Variants in MALRD1 observed in about 807,000 individuals in gnomAD.
MALRD1 encodes the protein MAM and LDL-receptor class A domain-containing protein 1.
In MALRD1, 247 loss-of-function variants were observed where a neutral mutation model predicts 242.1. The ratio of observed to expected loss-of-function variants is 1.02; its 90% CI spans 0.92 to 1.13. The LOEUF is 1.13. MALRD1 is among the 50% of genes most tolerant of loss of function. MALRD1 has a pLI of 0.00. For missense variants in MALRD1, 2,989 were observed against 2,533.1 expected, an observed-to-expected ratio of 1.18 and a Z score of -3.86; for synonymous variants, 995 against 866.6, an observed-to-expected ratio of 1.15 and a Z score of -2.60.
chr10:19,477,132 G>T (rs1351838145), intron 29 of MALRD1, among the ~76,000 whole-genome samples: 1 of 152,000 alleles, frequency 6.6e-6, no homozygotes. Context: ...ACCTCTTAGT[G>T]CTCAACAATA....
At chr10:19,486,144 T>C (rs1362926346) in intron 29 of MALRD1, among the ~76,000 whole-genome samples, 2 of 152,138 alleles carry the variant, frequency 1.3e-5, no homozygotes, top group African/African-American at 2.4e-5. Flanking sequence ...ACTCTTACTA[T>C]AATAAAATAT....
chr10:19,358,755 T>G (rs1844759757), intron 26 of MALRD1, among the ~76,000 whole-genome samples: 1 of 152,198 alleles, frequency 6.6e-6, no homozygotes, highest in African/African-American at 2.4e-5. Context: ...TTACTTTTTT[T>G]GCCTCTCTTT....
chr10:19,397,327 A>G (rs1264790792), intron 28 of MALRD1, among the ~76,000 whole-genome samples: 1 of 152,094 alleles, frequency 6.6e-6, no homozygotes, highest in Non-Finnish European at 1.5e-5. Context: ...CTGCATATGA[A>G]TGAGATCATG....
intron 18 of MALRD1, among the ~76,000 whole-genome samples, chr10:19,238,717 A>G (rs754707837): frequency 4.7e-5 from 7 of 149,756 alleles, no homozygotes; most frequent in East Asian, 2.0e-4. Flanking sequence ...CTATGGATAT[A>G]TACCCAGTAG....
At chr10:19,690,259 C>G (rs1842760986) in intron 36 of MALRD1, among the ~76,000 whole-genome samples, 1 of 151,960 alleles carries the variant, frequency 6.6e-6, no homozygotes, top group Admixed American at 6.6e-5. Flanking sequence ...AGTTTATTTC[C>G]TATTATTTTC....
At position 19,389,444 on chromosome 10, in the gene MALRD1, G is replaced by A. The variant is rs367917041; in HGVS notation, c.4688-8G>A. The A allele has an allele frequency of 2.6e-5, 41 of 1,549,502 alleles. No homozygotes were observed. The highest frequency in any genetic ancestry group is 2.4e-4 in the East Asian group (10 of 40,914). On this transcript the variant is annotated splice_polypyrimidine_tract_variant and splice_region_variant and intron_variant, in intron 27 of 39. Transcript: ENST00000454679. ...TCGTTCTTCTCTGAATTCTGTCCTT[G>A]TTCCTAGGGCACTTCATGTATCTGG...
At chr10:19,719,878 C>T (rs1290312164) in intron 38 of MALRD1, among the ~76,000 whole-genome samples, 1 of 151,678 alleles carries the variant, frequency 6.6e-6, no homozygotes, top group Non-Finnish European at 1.5e-5. Context: ...GAATAGAGAC[C>T]ATTAGATAGT....
chr10:19,221,129 G>T (rs1837538034), intron 18 of MALRD1, among the ~76,000 whole-genome samples: 1 of 152,004 alleles, frequency 6.6e-6, no homozygotes, highest in Non-Finnish European at 1.5e-5. Context: ...TTTAAAAAAT[G>T]TTGTTTATAA....
At position 19,165,663 on chromosome 10, in the gene MALRD1, A is replaced by G. The variant is rs1354049391; in HGVS notation, c.1683A>G (p.Gln561=). 9 of 1,231,600 alleles carry G rather than the reference A, an allele frequency of 7.3e-6. No homozygotes were observed. The East Asian group carries it at 1.6e-4, about 22-fold the overall frequency. The allele number at this position is 1,231,600 out of a possible 1,614,324, so 76.3% of individuals were successfully genotyped here. A position where few individuals can be genotyped will look rare whatever the true frequency, so the allele number is the denominator to read the frequency against. The change falls in exon 13 of 40, where the codon CAA becomes CAG. Residue 561 remains glutamine (Q), a synonymous_variant. Coordinates refer to ENST00000454679, the MANE Select transcript of MALRD1 (RefSeq NM_001142308.3). ...TGCAGTTTTGGTATCATTTGTCTCA[A>G]CATTCAAATCTCTCAGTTTTTACAA... The part of the protein sequence containing the change: ...CQVQFWYHLS[Q]HSNLSVFTRT...
intron 21 of MALRD1, among the ~76,000 whole-genome samples, chr10:19,284,713 C>A (rs1260447018): frequency 3.0e-5 from 3 of 99,670 alleles, no homozygotes; most frequent in Non-Finnish European, 5.7e-5. Flanking sequence ...AATAAACATA[C>A]GTGTGCATGT....
chr10:19,145,882 T>C (rs550933659), intron 10 of MALRD1, among the ~76,000 whole-genome samples: 103 of 152,244 alleles, frequency 6.8e-4, no homozygotes, highest in African/African-American at 2.4e-3. Context: ...AGCAGGTTTA[T>C]ACTGGGCAAG....
At chr10:19,611,244 G>A (rs1388338415) in intron 35 of MALRD1, among the ~76,000 whole-genome samples, 2 of 151,882 alleles carry the variant, frequency 1.3e-5, no homozygotes, top group African/African-American at 4.8e-5. Context: ...TTAAATGACT[G>A]AGCCAGGTAT....
At chr10:19,648,827 A>C (rs965481072) in intron 36 of MALRD1, among the ~76,000 whole-genome samples, 7 of 152,084 alleles carry the variant, frequency 4.6e-5, no homozygotes, top group Admixed American at 4.6e-4. Context: ...GTTGTACATA[A>C]TATTTCATCA....
chr10:19,392,529 C>T (rs763327191), intron 28 of MALRD1, among the ~76,000 whole-genome samples: 1 of 152,120 alleles, frequency 6.6e-6, no homozygotes, highest in East Asian at 1.9e-4. Context: ...TTCAGAGAAA[C>T]CTCAACAAAG....
intron 1 of MALRD1, among the ~76,000 whole-genome samples, chr10:19,055,057 C>T (rs1227188032): frequency 1.3e-5 from 2 of 152,142 alleles, no homozygotes; most frequent in Admixed American, 1.3e-4. Flanking sequence ...TCTGCCAGCA[C>T]TTGTTGTCTT....
chr10:19,198,665 A>T (rs1836373321), intron 14 of MALRD1, among the ~76,000 whole-genome samples: 1 of 152,006 alleles, frequency 6.6e-6, no homozygotes, highest in African/African-American at 2.4e-5. Flanking sequence ...ACCAATAATA[A>T]CTCTACATTG....
chr10:19,653,196 A>G (rs1459934122), intron 36 of MALRD1, among the ~76,000 whole-genome samples: 1 of 150,890 alleles, frequency 6.6e-6, no homozygotes, highest in Non-Finnish European at 1.5e-5. Flanking sequence ...TTTATATTTT[A>G]TTATTATTAT....
At chr10:19,562,881 G>A (rs1050692701) in intron 32 of MALRD1, among the ~76,000 whole-genome samples, 3 of 152,160 alleles carry the variant, frequency 2.0e-5, no homozygotes, top group African/African-American at 7.2e-5. Context: ...ATGATCTGAG[G>A]TGGAGCAGTT....
intron 28 of MALRD1, among the ~76,000 whole-genome samples, chr10:19,407,320 A>C: frequency 6.6e-6 from 1 of 152,156 alleles, no homozygotes; most frequent in East Asian, 1.9e-4. Flanking sequence ...AAAATAACAT[A>C]AAATAAAAAT....
Sources: gnomAD v4.1 joint callset for allele counts (sites outside exome capture counted in the v4.1 genomes callset) on GRCh38, gnomAD v4.1.1 for gene constraint, MANE v1.5 for transcripts, NCBI Gene and HGNC (gene_info 2026-07-23, HGNC 2026-07-21) for gene names.